The following CD109 variants were observed in gnomAD, a reference collection of about 807,000 sequenced individuals.
The protein encoded by CD109 is CD109 antigen.
Under a neutral mutation model 165.8 loss-of-function variants are expected in CD109, and 149 were observed. The observed-to-expected ratio is 0.90, with a 90% CI of 0.79 to 1.03. CD109 has a LOEUF of 1.03. Ranked by LOEUF, CD109 falls within the 50% of genes least tolerant of loss-of-function variation. The pLI is 0.00. For missense variants in CD109, 1,712 were observed against 1,677.8 expected, an observed-to-expected ratio of 1.02 and a Z score of -0.36; for synonymous variants, 585 against 592.1, an observed-to-expected ratio of 0.99 and a Z score of 0.18.
chr6:73,810,440 T>C lies in CD109; in HGVS notation c.3546+266T>C, dbSNP rs146370100. On this transcript the variant is annotated intron_variant, in intron 27 of 32. Coordinates refer to ENST00000287097, the MANE Select transcript of CD109 (RefSeq NM_133493.5). ...TACTATGAATTTCATGTCTGATATTTATATGGAATAAATCAGTTCCCCATC... is the reference window on the plus strand; with the variant it reads ...TACTATGAATTTCATGTCTGATATTCATATGGAATAAATCAGTTCCCCATC... Among the ~76,000 whole-genome samples, 297 of 152,034 alleles carry C rather than the reference T, an allele frequency of 2.0e-3. 1 individual carries two copies. The highest frequency in any genetic ancestry group is 6.8e-3 in the African/African-American group (282 of 41,542).
the CD109 span, among the ~76,000 whole-genome samples, chr6:73,686,060 T>C: frequency 6.6e-6 from 1 of 152,248 alleles, no homozygotes; most frequent in Admixed American, 6.5e-5. Flanking sequence ...TGTGGGCTTT[T>C]CTCTCTCTGT....
At chr6:73,777,851 C>T (rs957016746) in intron 15 of CD109, among the ~76,000 whole-genome samples, 2 of 152,150 alleles carry the variant, frequency 1.3e-5, no homozygotes, top group Non-Finnish European at 2.9e-5. Context: ...TAGCATGATG[C>T]CTCCAGCTTT....
In CD109 at chr6:73,730,428, C is replaced by G; in HGVS notation, c.361C>G (p.Arg121Gly). The change falls in exon 4 of 33, where the codon CGC (arginine) becomes GGC (glycine). Residue 121 changes from arginine to glycine, a missense_variant. Transcript: ENST00000287097. ...QDEILFSNST[R>G]LSFETKRISV... ...TGAGATTTTATTCTCTAATAGTACC[C>G]GCTTATCATTTGAGACCAAGAGAAT... 1 of 1,613,434 alleles carries G rather than the reference C, an allele frequency of 6.2e-7. No homozygotes were observed. Among genetic ancestry groups the G allele is most frequent in the Middle Eastern group, 1.7e-4 (1 of 6,060 alleles).
intron 22 of CD109, among the ~76,000 whole-genome samples, chr6:73,789,359 A>G (rs924991220): frequency 6.6e-6 from 1 of 152,226 alleles, no homozygotes; most frequent in Non-Finnish European, 1.5e-5. Flanking sequence ...TTATGAATGC[A>G]ATGTGGAATA....
At chr6:73,723,051 C>T in intron 2 of CD109, 200 bp from the exon 3 acceptor site, 1 of 856,106 alleles carries the variant, frequency 1.2e-6, no homozygotes, top group Non-Finnish European at 1.4e-6. Flanking sequence ...CCTTTTAATC[C>T]TGATTTTTAA....
rs200081535 is a variant in CD109 at position 73,707,962 on chromosome 6, T to TTA, written c.247+10436_247+10437dup. On this transcript the variant is annotated intron_variant, in intron 2 of 32. Coordinates refer to ENST00000287097, the MANE Select transcript of CD109 (RefSeq NM_133493.5). ...GAACTTTGATTTAAAATTGTTATCT[T>TTA]TATATATATATATATATATATATAT... Among the ~76,000 whole-genome samples the TTA allele has an allele frequency of 5.7e-3, 717 of 126,364 alleles. 5 individuals are homozygous for TTA. The highest frequency in any genetic ancestry group is 0.014 in the African/African-American group (409 of 30,296). The allele number at this position is 126,364 out of a possible 152,430, so 82.9% of individuals were successfully genotyped here. A position where few individuals can be genotyped will look rare whatever the true frequency, so the allele number is the denominator to read the frequency against.
At position 73,711,815 on chromosome 6, in the gene CD109, G is replaced by T. The variant is rs1771548259; in HGVS notation, c.248-11436G>T. Among the ~76,000 whole-genome samples the T allele has an allele frequency of 1.3e-4, 2 of 15,244 alleles. 1 individual carries two copies. The highest frequency in any genetic ancestry group is 7.0e-4 in the Non-Finnish European group (2 of 2,858). 10.0% of individuals were successfully genotyped at this position (15,244 alleles called of 152,430 possible). The stretch of plus-strand genomic sequence containing the variant: ...GCCTCCCAAAGTGCTGGGATTACAG[G>T]CGTGAGCCACCGCGCCCGGCCTAAG... On this transcript the variant is annotated intron_variant, in intron 2 of 32. Coordinates refer to ENST00000287097, the MANE Select transcript of CD109 (RefSeq NM_133493.5).
At chr6:73,700,995 G>T (rs1771055020) in intron 2 of CD109, among the ~76,000 whole-genome samples, 1 of 151,064 alleles carries the variant, frequency 6.6e-6, no homozygotes, top group African/African-American at 2.4e-5. Context: ...TAGAGACGAG[G>T]TTTCACTGTG....
intron 30 of CD109, 142 bp downstream of exon 30, chr6:73,815,265 TAG>T: frequency 1.8e-6 from 1 of 554,158 alleles, no homozygotes; most frequent in South Asian, 3.4e-5. Flanking sequence ...GATTACAAAC[TAG>T]AAATACTACT....
chr6:73,721,644 A>G (rs559249010), intron 2 of CD109, among the ~76,000 whole-genome samples: 14 of 152,044 alleles, frequency 9.2e-5, no homozygotes, highest in Non-Finnish European at 1.3e-4. Flanking sequence ...GATTACAGGC[A>G]TGAGCCACCC....
intron 30 of CD109, among the ~76,000 whole-genome samples, chr6:73,815,404 TTTAAA>T (rs963147293): frequency 5.9e-5 from 9 of 152,304 alleles, no homozygotes; most frequent in South Asian, 2.1e-4. Context: ...TTAGGAAAAC[TTTAAA>T]TTAAGTCAAT....
rs1262923002 is a variant in CD109, at chr6:73,824,452, T to G, written c.*819T>G. The G allele has an allele frequency of 6.6e-6, 1 of 152,118 alleles. No homozygotes were observed. The highest frequency in any genetic ancestry group is 1.5e-5 in the Non-Finnish European group (1 of 68,066). The allele number at this position is 152,118 out of a possible 1,614,324, so 9.4% of individuals were successfully genotyped here. On this transcript the variant is annotated 3_prime_UTR_variant, in exon 33 of 33. Transcript: ENST00000287097. ...CAATATGTGCTTCATGGGATTTCGA[T>G]TCGAAGATCCTAGACCAGGGAGACA...
intron 2 of CD109, among the ~76,000 whole-genome samples, chr6:73,706,188 C>A (rs1317358763): frequency 6.6e-6 from 1 of 152,154 alleles, no homozygotes; most frequent in Non-Finnish European, 1.5e-5. Flanking sequence ...TATTTACCGA[C>A]TTGTAAATTG....
intron 17 of CD109, among the ~76,000 whole-genome samples, chr6:73,782,162 G>A (rs1254587761): frequency 6.6e-6 from 1 of 152,052 alleles, no homozygotes; most frequent in Non-Finnish European, 1.5e-5. Flanking sequence ...GCTGGTTCTT[G>A]CCCCAACAGG....
the CD109 span, among the ~76,000 whole-genome samples, chr6:73,682,608 AC>A: frequency 2.6e-5 from 4 of 152,164 alleles, no homozygotes; most frequent in Admixed American, 2.0e-4. Flanking sequence ...CCCTCTTCTC[AC>A]AGCTCCACTA....
intron 23 of CD109, among the ~76,000 whole-genome samples, chr6:73,800,975 A>T (rs1775341394): frequency 6.6e-6 from 1 of 152,234 alleles, no homozygotes; most frequent in African/African-American, 2.4e-5. Flanking sequence ...TTAAAAAAAT[A>T]GTCAAATGCA....
At chr6:73,799,809 T>G (rs990495618) in intron 23 of CD109, among the ~76,000 whole-genome samples, 6 of 152,058 alleles carry the variant, frequency 3.9e-5, no homozygotes, top group African/African-American at 1.4e-4. Flanking sequence ...CTCTCTCTCC[T>G]TTTGCGAAAA....
intron 23 of CD109, among the ~76,000 whole-genome samples, chr6:73,802,648 T>G (rs1324687702): frequency 6.6e-6 from 1 of 151,830 alleles, no homozygotes; most frequent in East Asian, 1.9e-4. Context: ...AAGCATCATC[T>G]ATGCCATAGT....
At chr6:73,772,438 G>A (rs771338327) in intron 15 of CD109, among the ~76,000 whole-genome samples, 10 of 150,428 alleles carry the variant, frequency 6.6e-5, no homozygotes, top group Non-Finnish European at 7.4e-5. Flanking sequence ...CCCAGGAGGC[G>A]GAGCTTGCAG....
Sources: allele counts gnomAD v4.1 joint callset (sites outside exome capture counted in the v4.1 genomes callset), GRCh38; gene constraint gnomAD v4.1.1; transcripts MANE v1.5; gene names NCBI Gene and HGNC (gene_info 2026-07-23, HGNC 2026-07-21).